BTBD16: variants seen among roughly 807,000 people sequenced by gnomAD.
The protein encoded by BTBD16 is BTB/POZ domain-containing protein 16.
BTBD16 carries 66 observed loss-of-function variants against 67.4 expected under a neutral mutation model. That is an observed-to-expected ratio of 0.98 (90% CI 0.80 to 1.20). BTBD16 has a LOEUF of 1.20. Ranked by LOEUF, BTBD16 falls within the 50% of genes most tolerant of loss-of-function variation. The pLI is 0.00. For missense variants in BTBD16, 634 were observed against 616.0 expected (o/e 1.03, Z -0.31); for synonymous variants, 242 against 236.4 (o/e 1.02, Z -0.22).
chr10:122,292,714 A>G (rs1385638506), intron 7 of BTBD16, among the ~76,000 whole-genome samples: 1 of 152,226 alleles, frequency 6.6e-6, no homozygotes, highest in Non-Finnish European at 1.5e-5. Context: ...ACAGTGAGGG[A>G]CCAGATGGGC....
chr10:122,328,712 C>T, intron 10 of BTBD16: 1 of 970,620 alleles, frequency 1.0e-6, no homozygotes, highest in Non-Finnish European at 1.2e-6. Flanking sequence ...AAGATTGTTC[C>T]CCATTGTCCC....
At chr10:122,293,581 C>T (rs774601996) in intron 7 of BTBD16, among the ~76,000 whole-genome samples, 2 of 152,158 alleles carry the variant, frequency 1.3e-5, no homozygotes, top group Non-Finnish European at 2.9e-5. Flanking sequence ...ACTGGTGTAG[C>T]GTCTTAGAAC....
chr10:122,286,384 T>C (rs1446627373), intron 5 of BTBD16, 136 bp downstream of exon 5: 21 of 1,269,884 alleles, frequency 1.7e-5, no homozygotes, highest in Non-Finnish European at 2.2e-5. Context: ...TGTTATCTCA[T>C]CCCATGACAG....
chr10:122,281,889 G>C (rs1008001485), intron 3 of BTBD16, among the ~76,000 whole-genome samples: 1 of 152,146 alleles, frequency 6.6e-6, no homozygotes, highest in Non-Finnish European at 1.5e-5. Flanking sequence ...ACTTGGGGGC[G>C]TGAGCTCCAG....
chr10:122,335,254 A>G (rs944660645), intron 14 of BTBD16, among the ~76,000 whole-genome samples: 3 of 152,228 alleles, frequency 2.0e-5, no homozygotes, highest in African/African-American at 7.2e-5. Context: ...ATTAGATTCT[A>G]GTCTTCTATC....
In BTBD16 at chr10:122,276,996, G is replaced by T; in HGVS notation, c.167+57G>T. On this transcript the variant is annotated intron_variant, in intron 3 of 15. Transcript: ENST00000260723. ...TGGCCCATTATTCCTGGGAGGGGAGGTGCCTGATGACCGGGCCACTCTGAT... is the reference window on the plus strand; with the variant it reads ...TGGCCCATTATTCCTGGGAGGGGAGTTGCCTGATGACCGGGCCACTCTGAT... 1.9e-6 allele frequency: 3 copies of T among 1,578,706 alleles called. No individual in the cohort carries two copies. In the South Asian group the frequency reaches 3.4e-5, roughly 18 times the overall value.
chr10:122,291,231 C>T (rs2096373570), intron 7 of BTBD16, 37 bp downstream of exon 7: 1 of 1,589,382 alleles, frequency 6.3e-7, no homozygotes. Context: ...AGGGCCGGGC[C>T]TGGGGGAAAT....
intron 5 of BTBD16, chr10:122,287,426 C>A (rs1454092526): frequency 5.1e-6 from 5 of 985,390 alleles, no homozygotes; most frequent in Non-Finnish European, 6.0e-6. Context: ...ACATTTAGCC[C>A]TGCTAAGACA....
intron 10 of BTBD16, 89 bp from the exon 11 acceptor site, chr10:122,329,391 G>A: frequency 2.3e-6 from 3 of 1,286,744 alleles, no homozygotes; most frequent in Non-Finnish European, 3.3e-6. Flanking sequence ...GAAGCCACTA[G>A]TCTCTACAAC....
At chr10:122,325,910 A>G (rs565659045) in intron 10 of BTBD16, among the ~76,000 whole-genome samples, 87 of 152,132 alleles carry the variant, frequency 5.7e-4, no homozygotes, top group African/African-American at 1.9e-3. Flanking sequence ...TCCTGACCTC[A>G]GGTGATTCAC....
chr10:122,306,789 G>A (rs1008890782), intron 9 of BTBD16, among the ~76,000 whole-genome samples: 1 of 152,192 alleles, frequency 6.6e-6, no homozygotes, highest in East Asian at 1.9e-4. Flanking sequence ...TTAAATAAAT[G>A]TAGGGTTAAT....
chr10:122,291,389 A>G (rs1420904950), intron 7 of BTBD16, 195 bp downstream of exon 7: 2 of 612,534 alleles, frequency 3.3e-6, no homozygotes, highest in Non-Finnish European at 5.2e-6. Context: ...CTCTCCAGCA[A>G]CACGCTAGTT....
Position 122,335,206 on chromosome 10 carries a change from G to A in BTBD16, c.1263+227G>A, listed in dbSNP as rs142921158. On this transcript the variant is annotated intron_variant, in intron 14 of 15. Coordinates refer to ENST00000260723, the MANE Select transcript of BTBD16 (RefSeq NM_144587.5). ...GCGGATGAGGATCTGAAAACTGAGC[G>A]TCTTTGTGTTCATATGGACTCTATT... is the stretch of plus-strand genomic sequence containing the variant. 4.6e-3 allele frequency among the ~76,000 whole-genome samples: 708 copies of A among 152,286 alleles called. 3 individuals carry two copies. Among genetic ancestry groups the A allele is most frequent in the Non-Finnish European group, 6.5e-3 (439 of 68,020 alleles).
At chr10:122,329,112 G>T (rs369404248) in intron 10 of BTBD16, among the ~76,000 whole-genome samples, 1 of 152,136 alleles carries the variant, frequency 6.6e-6, no homozygotes, top group Non-Finnish European at 1.5e-5. Flanking sequence ...TGCCCCGTCT[G>T]CCCCACAAGA....
intron 6 of BTBD16, 143 bp downstream of exon 6, chr10:122,290,141 G>T: frequency 1.7e-6 from 1 of 574,270 alleles, no homozygotes; most frequent in East Asian, 3.0e-5. Context: ...GCCCGAACGT[G>T]CAAAGAAAGA....
intron 5 of BTBD16, among the ~76,000 whole-genome samples, chr10:122,289,498 G>A (rs2096369872): frequency 6.6e-6 from 1 of 152,118 alleles, no homozygotes; most frequent in African/African-American, 2.4e-5. Flanking sequence ...CAGCACTTTG[G>A]GAGGCTGAGG....
intron 15 of BTBD16, among the ~76,000 whole-genome samples, chr10:122,336,972 G>C (rs910872477): frequency 3.3e-5 from 5 of 152,042 alleles, no homozygotes; most frequent in African/African-American, 1.2e-4. Context: ...AGGTGAGGAG[G>C]CTCCGTGGAG....
At chr10:122,275,885 G>A (rs972500679) in intron 2 of BTBD16, among the ~76,000 whole-genome samples, 1 of 151,218 alleles carries the variant, frequency 6.6e-6, no homozygotes, top group Non-Finnish European at 1.5e-5. Flanking sequence ...AAAAAGACAG[G>A]TGTTCAAAAA....
chr10:122,291,198 A>G lies in BTBD16; in HGVS notation c.590+4A>G. On this transcript the variant is annotated splice_donor_region_variant and intron_variant, in intron 7 of 15. Transcript: ENST00000260723. ...AGTTCAGTGGCCTGTTTCAAAGGTAAGGAAACAAGGCTGACTTTGGGCAGG... is the reference window on the plus strand; with the variant it reads ...AGTTCAGTGGCCTGTTTCAAAGGTAGGGAAACAAGGCTGACTTTGGGCAGG... The G allele has an allele frequency of 6.2e-7, 1 of 1,608,136 alleles. No homozygotes were observed. Among genetic ancestry groups the G allele is most frequent in the Non-Finnish European group, 8.5e-7 (1 of 1,177,158 alleles).
Sources: gnomAD v4.1 joint callset for allele counts (sites outside exome capture counted in the v4.1 genomes callset) on GRCh38, gnomAD v4.1.1 for gene constraint, MANE v1.5 for transcripts, NCBI Gene and HGNC (gene_info 2026-07-23, HGNC 2026-07-21) for gene names.